Variants in VTI1A observed in about 807,000 individuals in gnomAD.
VTI1A encodes the protein vesicle transport through interaction with t-SNAREs homolog 1A.
A neutral mutation model predicts 34.9 loss-of-function variants in VTI1A; 22 were observed. The ratio of observed to expected loss-of-function variants is 0.63; its 90% confidence interval spans 0.45 to 0.90. The LOEUF is 0.90. Ranked by LOEUF, VTI1A falls within the 40% of genes least tolerant of loss-of-function variation. VTI1A has a pLI of 0.00. For missense variants in VTI1A, 268 were observed against 275.6 expected, an observed-to-expected ratio of 0.97 and a Z score of 0.20; for synonymous variants, 87 against 97.3, an observed-to-expected ratio of 0.89 and a Z score of 0.62.
intron 5 of VTI1A, among the ~76,000 whole-genome samples, chr10:112,662,090 T>G (rs777607833): frequency 6.6e-6 from 1 of 152,208 alleles, no homozygotes; most frequent in Non-Finnish European, 1.5e-5. Flanking sequence ...AAATTTATCT[T>G]TAGTTTTCAG....
At chr10:112,490,588 A>G (rs1328739840) in intron 3 of VTI1A, among the ~76,000 whole-genome samples, 2 of 151,238 alleles carry the variant, frequency 1.3e-5, no homozygotes, top group Non-Finnish European at 2.9e-5. Flanking sequence ...TTCTTAGTCT[A>G]TAGTCCTTGG....
intron 5 of VTI1A, among the ~76,000 whole-genome samples, chr10:112,550,341 G>A (rs1449020102): frequency 2.6e-5 from 3 of 114,268 alleles, no homozygotes. Context: ...GACTTCTAGT[G>A]CCAGAAGGTT....
intron 5 of VTI1A, among the ~76,000 whole-genome samples, chr10:112,619,565 T>G (rs1165276770): frequency 6.6e-6 from 1 of 152,222 alleles, no homozygotes; most frequent in Non-Finnish European, 1.5e-5. Context: ...ATGTTGTTTC[T>G]GCAAAATATG....
At chr10:112,632,299 T>A (rs1237895408) in intron 5 of VTI1A, among the ~76,000 whole-genome samples, 1 of 152,238 alleles carries the variant, frequency 6.6e-6, no homozygotes, top group Non-Finnish European at 1.5e-5. Context: ...TAGTTTTCCA[T>A]ATGAACACAA....
chr10:112,589,210 A>G (rs1384532303), intron 5 of VTI1A, among the ~76,000 whole-genome samples: 1 of 152,040 alleles, frequency 6.6e-6, no homozygotes, highest in Non-Finnish European at 1.5e-5. Context: ...CTCATCTTGA[A>G]TTGCACTCCC....
At chr10:112,736,821 A>C in intron 7 of VTI1A, 1 of 1,234,182 alleles carries the variant, frequency 8.1e-7, no homozygotes, top group Non-Finnish European at 1.2e-6. Context: ...TTGTGCCTTC[A>C]ATGAGAAGCC....
intron 7 of VTI1A, among the ~76,000 whole-genome samples, chr10:112,692,237 C>T (rs1231059781): frequency 2.0e-5 from 3 of 152,192 alleles, no homozygotes; most frequent in African/African-American, 7.2e-5. Flanking sequence ...AAGTTAATTA[C>T]AGACGGTATA....
chr10:112,645,721 A>T (rs747172404), intron 5 of VTI1A, among the ~76,000 whole-genome samples: 3 of 152,174 alleles, frequency 2.0e-5, no homozygotes, highest in Non-Finnish European at 4.4e-5. Flanking sequence ...CTAGAATTCT[A>T]CTGATAAGTG....
chr10:112,652,094 CA>C (rs1397058117), intron 5 of VTI1A, among the ~76,000 whole-genome samples: 1 of 151,972 alleles, frequency 6.6e-6, no homozygotes, highest in Non-Finnish European at 1.5e-5. Context: ...AACAGGCAAA[CA>C]AAAAACAACT....
At chr10:112,610,506 A>C (rs1199145136) in intron 5 of VTI1A, among the ~76,000 whole-genome samples, 1 of 152,212 alleles carries the variant, frequency 6.6e-6, no homozygotes, top group Non-Finnish European at 1.5e-5. Context: ...GTTGACTCTA[A>C]TATTATGACC....
At chr10:112,706,765 A>C (rs922328622) in intron 7 of VTI1A, among the ~76,000 whole-genome samples, 2 of 152,114 alleles carry the variant, frequency 1.3e-5, no homozygotes, top group Non-Finnish European at 2.9e-5. Context: ...TTCGTCTTTC[A>C]TGTGTTTTCA....
At chr10:112,553,012 A>G (rs931287891) in intron 5 of VTI1A, among the ~76,000 whole-genome samples, 4 of 152,202 alleles carry the variant, frequency 2.6e-5, no homozygotes, top group African/African-American at 9.7e-5. Context: ...CTTGATCTGA[A>G]AAATGCTAAC....
intron 7 of VTI1A, among the ~76,000 whole-genome samples, chr10:112,798,284 G>T (rs1358361736): frequency 6.6e-6 from 1 of 152,178 alleles, no homozygotes; most frequent in African/African-American, 2.4e-5. Context: ...TCTCTCAGTT[G>T]GGCTTTCAAC....
chr10:112,464,530 TTCTTTCCC>T lies in VTI1A; in HGVS notation c.154-12_154-5del. On this transcript the variant is annotated splice_polypyrimidine_tract_variant and intron_variant, in intron 2 of 7. Transcript: ENST00000393077. ...TAACAGTGTGTTTTAAATCACATTTTTCTTTCCCTCTTCTAGCTTGAACAGATGGATTT... is the reference window on the plus strand; with the variant it reads ...TAACAGTGTGTTTTAAATCACATTTTTCTTCTAGCTTGAACAGATGGATTT... 6.3e-7 allele frequency: 1 copy of T among 1,598,942 alleles called. No homozygotes were observed. The highest frequency in any genetic ancestry group is 8.6e-7 in the Non-Finnish European group (1 of 1,169,484).
At chr10:112,538,056 A>G (rs922138719) in intron 4 of VTI1A, among the ~76,000 whole-genome samples, 190 bp from the exon 5 acceptor site, 11 of 152,168 alleles carry the variant, frequency 7.2e-5, no homozygotes, top group African/African-American at 2.4e-4. Context: ...TGGATGGTCC[A>G]TACGTGATTG....
intron 7 of VTI1A, chr10:112,737,904 G>A: frequency 9.4e-7 from 1 of 1,062,828 alleles, no homozygotes; most frequent in Non-Finnish European, 1.1e-6. Flanking sequence ...GAGTGTGAGG[G>A]AGAGAGCTGA....
chr10:112,617,090 G>A (rs79568333), intron 5 of VTI1A, among the ~76,000 whole-genome samples: 2,389 of 151,902 alleles, frequency 0.016, 65 homozygotes, highest in African/African-American at 0.054. Flanking sequence ...ATCTAGACAC[G>A]TTATAGTGAA....
intron 7 of VTI1A, among the ~76,000 whole-genome samples, chr10:112,714,148 G>A (rs995225815): frequency 4.5e-4 from 69 of 152,198 alleles, no homozygotes; most frequent in African/African-American, 9.4e-4. Context: ...ATCTGAGGAC[G>A]GTACATCACA....
At chr10:112,685,752 T>C (rs1473059627) in intron 7 of VTI1A, among the ~76,000 whole-genome samples, 1 of 152,176 alleles carries the variant, frequency 6.6e-6, no homozygotes, top group Non-Finnish European at 1.5e-5. Context: ...CAAAACGACT[T>C]CTTGAATCTG....
Sources: allele counts gnomAD v4.1 joint callset (sites outside exome capture counted in the v4.1 genomes callset), GRCh38; gene constraint gnomAD v4.1.1; transcripts MANE v1.5; gene names NCBI Gene and HGNC (gene_info 2026-07-23, HGNC 2026-07-21).